SNX29: variants seen among roughly 807,000 people sequenced by gnomAD.
The protein encoded by SNX29 is sorting nexin 29.
Under a neutral mutation model 102.1 loss-of-function variants are expected in SNX29, and 78 were observed. The ratio of observed to expected loss-of-function variants is 0.76; its 90% CI spans 0.64 to 0.92. SNX29 has a LOEUF of 0.92. Ranked by LOEUF, SNX29 falls within the 40% of genes least tolerant of loss-of-function variation. The probability of loss-of-function intolerance (pLI) is 0.00; values close to 1 mark genes in which losing one functional copy is unlikely to be tolerated. For missense variants in SNX29, 1,280 were observed against 1,061.7 expected (o/e 1.21, Z -2.86); for synonymous variants, 580 against 414.5 (o/e 1.40, Z -4.85).
intron 14 of SNX29, among the ~76,000 whole-genome samples, chr16:12,260,379 C>T (rs2078698075): frequency 6.6e-6 from 1 of 152,196 alleles, no homozygotes; most frequent in African/African-American, 2.4e-5. Flanking sequence ...TCTTCCTTCT[C>T]ATCCTTCATC....
At chr16:12,115,485 T>TTGTGTGTGTGTGTGTG (rs3222983) in intron 11 of SNX29, among the ~76,000 whole-genome samples, 28 of 141,858 alleles carry the variant, frequency 2.0e-4, no homozygotes, top group African/African-American at 4.3e-4. Context: ...CCACCTTGAT[T>TTGTGTGTGTGTGTGTG]TGTGTGTGTG....
chr16:12,573,210 G>A lies in SNX29; in HGVS notation c.*4581G>A, dbSNP rs537205884. ...AGGGTCTCCCGGCTCTAGGCAGACC[G>A]GATCCCGCAGTTCATCCCATGGTTG... is the stretch of plus-strand genomic sequence containing the variant. On this transcript the variant is annotated 3_prime_UTR_variant, in exon 21 of 21. Transcript: ENST00000566228. 17 of 226,644 alleles carry A rather than the reference G, an allele frequency of 7.5e-5. No homozygotes were observed. In the East Asian group the frequency reaches 8.9e-4, roughly 12 times the overall value. 14.0% of individuals were successfully genotyped at this position (226,644 alleles called of 1,614,324 possible). A position where few individuals can be genotyped will look rare whatever the true frequency, so the allele number is the denominator to read the frequency against.
chr16:12,512,854 A>G (rs2089692726), intron 19 of SNX29, among the ~76,000 whole-genome samples: 1 of 152,142 alleles, frequency 6.6e-6, no homozygotes, highest in Non-Finnish European at 1.5e-5. Context: ...TGAGGGCGAG[A>G]TGGCCTCTGC....
chr16:12,007,163 A>G (rs1031577624), intron 3 of SNX29, among the ~76,000 whole-genome samples: 38 of 152,212 alleles, frequency 2.5e-4, no homozygotes, highest in African/African-American at 8.9e-4. Context: ...TAAAGGTGGC[A>G]CCACCTTCAT....
intron 20 of SNX29, among the ~76,000 whole-genome samples, chr16:12,534,850 G>T (rs920740686): frequency 1.3e-5 from 2 of 152,108 alleles, no homozygotes; most frequent in Non-Finnish European, 1.5e-5. Context: ...AGACATTTTT[G>T]ATTGTCCCAA....
chr16:12,002,904 G>T, intron 2 of SNX29, 87 bp from the exon 3 acceptor site: 2 of 1,494,290 alleles, frequency 1.3e-6, no homozygotes, highest in South Asian at 1.1e-5. Context: ...TCCCCTCCCT[G>T]ACCCTTAAGC....
chr16:12,391,483 C>T (rs2083527531), intron 16 of SNX29, among the ~76,000 whole-genome samples: 1 of 152,076 alleles, frequency 6.6e-6, no homozygotes, highest in African/African-American at 2.4e-5. Flanking sequence ...AAAAACTTTC[C>T]AGGATTTTGC....
intron 20 of SNX29, among the ~76,000 whole-genome samples, chr16:12,568,141 C>G (rs1013878654): frequency 6.6e-6 from 1 of 152,078 alleles, no homozygotes; most frequent in African/African-American, 2.4e-5. Flanking sequence ...CCAAAGTTGC[C>G]TTGGACTTAG....
chr16:12,257,030 T>C (rs925653083), intron 14 of SNX29, among the ~76,000 whole-genome samples: 1 of 152,196 alleles, frequency 6.6e-6, no homozygotes, highest in Non-Finnish European at 1.5e-5. Flanking sequence ...ATGGGCTGAA[T>C]GAGGTGGTGG....
intron 11 of SNX29, among the ~76,000 whole-genome samples, chr16:12,079,933 GT>G (rs1314005606): frequency 6.6e-6 from 1 of 152,128 alleles, no homozygotes; most frequent in Non-Finnish European, 1.5e-5. Context: ...AAATTACAAT[GT>G]TTTTCATTTA....
intron 8 of SNX29, among the ~76,000 whole-genome samples, chr16:12,060,153 A>G (rs56266112): frequency 2.6e-5 from 4 of 151,816 alleles, no homozygotes; most frequent in African/African-American, 9.7e-5. Flanking sequence ...CCAAAAAAAA[A>G]CCAATAAAAA....
intron 14 of SNX29, among the ~76,000 whole-genome samples, chr16:12,232,936 C>T (rs1454047005): frequency 1.3e-5 from 2 of 152,216 alleles, no homozygotes; most frequent in Non-Finnish European, 1.5e-5. Context: ...GGAGGTGGTC[C>T]ACCCGGAACT....
intron 3 of SNX29, among the ~76,000 whole-genome samples, chr16:12,013,540 T>G (rs1377105784): frequency 1.8e-4 from 20 of 112,688 alleles, no homozygotes; most frequent in African/African-American, 5.8e-4. Context: ...TATATATATA[T>G]ATCGAGAGAG....
At chr16:12,452,839 A>G (rs994778359) in intron 18 of SNX29, among the ~76,000 whole-genome samples, 6 of 152,116 alleles carry the variant, frequency 3.9e-5, no homozygotes, top group African/African-American at 1.2e-4. Flanking sequence ...AGGTCTATCT[A>G]TCCTGTTCAA....
chr16:12,534,166 G>T (rs144801590), intron 20 of SNX29, among the ~76,000 whole-genome samples: 1 of 152,236 alleles, frequency 6.6e-6, no homozygotes, highest in Non-Finnish European at 1.5e-5. Context: ...CGGCCTCTGC[G>T]GTTCTGACTG....
chr16:12,288,203 G>C (rs1315999008), intron 15 of SNX29, among the ~76,000 whole-genome samples: 6 of 152,096 alleles, frequency 3.9e-5, no homozygotes, highest in African/African-American at 1.2e-4. Flanking sequence ...CTGACTACTA[G>C]CTAAAACAGG....
chr16:12,387,372 A>T (rs1267308892), intron 16 of SNX29, among the ~76,000 whole-genome samples: 1 of 151,980 alleles, frequency 6.6e-6, no homozygotes, highest in Non-Finnish European at 1.5e-5. Context: ...TTGGGATAGC[A>T]CTCGAGCCTT....
At chr16:12,281,590 C>A (rs980354349) in intron 15 of SNX29, among the ~76,000 whole-genome samples, 1 of 152,154 alleles carries the variant, frequency 6.6e-6, no homozygotes, top group African/African-American at 2.4e-5. Flanking sequence ...TATCACAGCC[C>A]CTGTAATACT....
In SNX29 at chr16:12,570,279, A is replaced by G. The variant is rs1008241868; in HGVS notation, c.*1650A>G. ...GCATGTATGGAGGTGCGGACCCTGC[A>G]GTCAGTTTGCGAGTGTGGAGGACCC... On this transcript the variant is annotated 3_prime_UTR_variant, in exon 21 of 21. Coordinates refer to ENST00000566228, the MANE Select transcript of SNX29 (RefSeq NM_032167.5). 3 of 1,064,508 alleles carry G rather than the reference A, an allele frequency of 2.8e-6. No individual in the cohort carries two copies. In the African/African-American group the frequency reaches 4.9e-5, roughly 17 times the overall value. 65.9% of individuals were successfully genotyped at this position (1,064,508 alleles called of 1,614,324 possible). A position where few individuals can be genotyped will look rare whatever the true frequency, so the allele number is the denominator to read the frequency against.
Sources: gnomAD v4.1 joint callset for allele counts (sites outside exome capture counted in the v4.1 genomes callset) on GRCh38, gnomAD v4.1.1 for gene constraint, MANE v1.5 for transcripts, NCBI Gene and HGNC (gene_info 2026-07-23, HGNC 2026-07-21) for gene names.